Variants in STK3 observed in about 807,000 individuals in gnomAD.
The protein encoded by STK3 is serine/threonine kinase 3, also known as serine/threonine-protein kinase 3.
In STK3, 41 loss-of-function variants were observed where a neutral mutation model predicts 58.0. The ratio of observed to expected loss-of-function variants is 0.71; its 90% CI spans 0.55 to 0.92. STK3 has a LOEUF of 0.92. Among genes scored for constraint, STK3 ranks in the 40% least tolerant of loss-of-function variants. The probability of loss-of-function intolerance (pLI) is 0.00; values close to 1 mark genes in which losing one functional copy is unlikely to be tolerated. For synonymous variants in STK3, 170 were observed against 191.0 expected (o/e 0.89, Z 0.91); for missense variants, 479 against 602.7 (o/e 0.79, Z 2.15).
chr8:98,420,837 G>T (rs111945193), intron 3 of STK3, among the ~76,000 whole-genome samples: 1 of 152,230 alleles, frequency 6.6e-6, no homozygotes, highest in African/African-American at 2.4e-5. Context: ...TTCAGCACTT[G>T]CTATGTGTCA....
chr8:98,411,431 C>CA (rs1818056079), intron 3 of STK3, among the ~76,000 whole-genome samples: 1 of 152,232 alleles, frequency 6.6e-6, no homozygotes, highest in Admixed American at 6.5e-5. Flanking sequence ...ACACTCAATA[C>CA]GTCTCCTCAT....
chr8:98,714,367 A>G (rs1826814035), intron 4 of STK3, among the ~76,000 whole-genome samples: 1 of 152,204 alleles, frequency 6.6e-6, no homozygotes, highest in Non-Finnish European at 1.5e-5. Context: ...ACATGATTGG[A>G]TATCTAGAAA....
chr8:98,721,904 T>C (rs1183939004), intron 4 of STK3, among the ~76,000 whole-genome samples: 1 of 152,176 alleles, frequency 6.6e-6, no homozygotes, highest in African/African-American at 2.4e-5. Flanking sequence ...AAATTATTTA[T>C]TGAGCACCTA....
chr8:98,526,276 T>C (rs541089465), intron 10 of STK3: 1 of 152,252 alleles, frequency 6.6e-6, no homozygotes, highest in African/African-American at 2.4e-5. Flanking sequence ...AATAGGACTA[T>C]TATTTCTGAG....
At chr8:98,718,271 G>A (rs763665072) in intron 4 of STK3, among the ~76,000 whole-genome samples, 2 of 152,116 alleles carry the variant, frequency 1.3e-5, no homozygotes, top group Non-Finnish European at 2.9e-5. Flanking sequence ...CTTGATTCAA[G>A]AAAAAGCTCA....
intron 3 of STK3, among the ~76,000 whole-genome samples, chr8:98,859,553 A>G (rs1836849658): frequency 6.6e-6 from 1 of 152,224 alleles, no homozygotes; most frequent in African/African-American, 2.4e-5. Flanking sequence ...CATTTAAAAA[A>G]TCAGCACAAG....
the STK3 span, among the ~76,000 whole-genome samples, chr8:98,346,903 T>C: frequency 6.6e-6 from 1 of 151,920 alleles, no homozygotes; most frequent in South Asian, 2.1e-4. Context: ...TATATGTGTA[T>C]AAAACTTTTC....
chr8:98,608,429 TTTCTTC>T, intron 6 of STK3, among the ~76,000 whole-genome samples: 1 of 152,270 alleles, frequency 6.6e-6, no homozygotes, highest in South Asian at 2.1e-4. Flanking sequence ...ACAGGAATAT[TTTCTTC>T]TGTTTGATGC....
intron 3 of STK3, among the ~76,000 whole-genome samples, chr8:98,766,668 G>A (rs2131441585): frequency 6.6e-6 from 1 of 152,230 alleles, no homozygotes; most frequent in Middle Eastern, 3.4e-3. Context: ...TCGATGCTCT[G>A]GCCTCTCTAA....
At chr8:98,913,642 A>G (rs529099203) in intron 1 of STK3, among the ~76,000 whole-genome samples, 6 of 152,388 alleles carry the variant, frequency 3.9e-5, no homozygotes, top group African/African-American at 1.4e-4. Flanking sequence ...ATTTCAGTGT[A>G]CAAACCTGTT....
intron 1 of STK3, among the ~76,000 whole-genome samples, chr8:98,912,308 G>A (rs1839169784): frequency 6.6e-6 from 1 of 152,106 alleles, no homozygotes; most frequent in Admixed American, 6.5e-5. Context: ...ATCCCGGGAG[G>A]AGGAGGTGGC....
At chr8:98,927,669 G>A (rs1006853416) in intron 1 of STK3, among the ~76,000 whole-genome samples, 11 of 152,234 alleles carry the variant, frequency 7.2e-5, no homozygotes, top group Non-Finnish European at 1.0e-4. Context: ...AGGTGGTAGA[G>A]ATAGACTGTG....
chr8:98,541,273 G>A (rs1007051030), intron 9 of STK3, among the ~76,000 whole-genome samples: 1 of 152,122 alleles, frequency 6.6e-6, no homozygotes, highest in Non-Finnish European at 1.5e-5. Context: ...TGGATCACGG[G>A]GGTAGTTTCT....
intron 6 of STK3, among the ~76,000 whole-genome samples, chr8:98,666,890 C>T (rs542742737): frequency 6.6e-6 from 1 of 152,274 alleles, no homozygotes; most frequent in Admixed American, 6.5e-5. Context: ...TTTGTGTCAG[C>T]TTTACCTCTC....
chr8:98,645,805 TAGATATAGATAC>T (rs1820355876), intron 6 of STK3, among the ~76,000 whole-genome samples: 1 of 152,086 alleles, frequency 6.6e-6, no homozygotes, highest in Non-Finnish European at 1.5e-5. Flanking sequence ...TATACATATA[TAGATATAGATAC>T]AGATATAGAT....
intron 6 of STK3, among the ~76,000 whole-genome samples, chr8:98,630,127 T>C (rs1236191440): frequency 1.3e-5 from 2 of 152,206 alleles, no homozygotes; most frequent in Non-Finnish European, 2.9e-5. Flanking sequence ...ACCCTGGTGC[T>C]TCCCTATGAG....
chr8:98,689,683 T>G (rs1053674397), intron 6 of STK3, among the ~76,000 whole-genome samples: 6 of 151,980 alleles, frequency 3.9e-5, no homozygotes. Flanking sequence ...CTCAGGAGGC[T>G]GAGATGGGAA....
chr8:98,761,054 TCAA>T (rs752079755), intron 3 of STK3, among the ~76,000 whole-genome samples: 5 of 151,862 alleles, frequency 3.3e-5, no homozygotes, highest in African/African-American at 4.8e-5. Context: ...TAAGTGTCCA[TCAA>T]CAACATCATA....
At chr8:98,444,877 C>G (rs1217042973) in intron 1 of STK3, among the ~76,000 whole-genome samples, 1 of 152,034 alleles carries the variant, frequency 6.6e-6, no homozygotes, top group Non-Finnish European at 1.5e-5. Flanking sequence ...AGGAGTTACC[C>G]CTGTGTTTAC....
Sources: allele counts gnomAD v4.1 joint callset (sites outside exome capture counted in the v4.1 genomes callset), GRCh38; gene constraint gnomAD v4.1.1; transcripts MANE v1.5; gene names NCBI Gene and HGNC (gene_info 2026-07-23, HGNC 2026-07-21).